Variants in SPINK5 observed in about 807,000 individuals in gnomAD.
SPINK5 encodes serine peptidase inhibitor Kazal type 5.
A neutral mutation model predicts 151.8 loss-of-function variants in SPINK5; 125 were observed. The ratio of observed to expected loss-of-function variants is 0.82; its 90% CI spans 0.71 to 0.96. SPINK5 has a LOEUF of 0.96. SPINK5 is among the 40% of genes least tolerant of loss of function. The pLI is 0.00. For missense variants in SPINK5, 1,194 were observed against 1,291.9 expected (o/e 0.92, Z 1.16); for synonymous variants, 374 against 395.3 (o/e 0.95, Z 0.64).
intron 4 of SPINK5, among the ~76,000 whole-genome samples, chr5:148,072,825 G>T (rs1191556104): frequency 6.7e-6 from 1 of 149,762 alleles, no homozygotes; most frequent in East Asian, 2.0e-4. Flanking sequence ...TTGCAGACAG[G>T]GACTCAGGCT....
chr5:148,121,764 C>G (rs1006073702), intron 26 of SPINK5, among the ~76,000 whole-genome samples: 13 of 151,452 alleles, frequency 8.6e-5, no homozygotes, highest in African/African-American at 2.7e-4. Flanking sequence ...TCAAAACCAG[C>G]CTGGGCAACA....
intron 25 of SPINK5, 74 bp from the exon 26 acceptor site, chr5:148,120,221 T>C: frequency 6.2e-7 from 1 of 1,610,692 alleles, no homozygotes; most frequent in Non-Finnish European, 8.5e-7. Context: ...ATGACAATTG[T>C]TTTAGAAGCA....
chr5:148,081,280 GA>G (rs1753012009), intron 4 of SPINK5, among the ~76,000 whole-genome samples: 1 of 151,568 alleles, frequency 6.6e-6, no homozygotes, highest in Non-Finnish European at 1.5e-5. Context: ...TCAGTGAAGT[GA>G]AAATACAGGT....
At chr5:148,118,585 G>A in intron 23 of SPINK5, 21 bp downstream of exon 23, 2 of 1,613,478 alleles carry the variant, frequency 1.2e-6, no homozygotes, top group Non-Finnish European at 1.7e-6. Context: ...CTCTCAACAG[G>A]CATGTCTAAA....
intron 31 of SPINK5, 101 bp downstream of exon 31, chr5:148,131,490 A>G (rs1414322414): frequency 3.7e-5 from 56 of 1,521,718 alleles, no homozygotes; most frequent in African/African-American, 5.5e-5. Flanking sequence ...AATGTGTTGC[A>G]AGTAATTTAT....
intron 16 of SPINK5, 121 bp downstream of exon 16, chr5:148,105,121 A>G (rs1753748423): frequency 8.8e-7 from 1 of 1,138,808 alleles, no homozygotes; most frequent in Admixed American, 2.1e-5. Context: ...TAAATGAAGA[A>G]CATTTTTAAC....
chr5:148,086,285 G>A (rs1753151295), intron 4 of SPINK5, 120 bp from the exon 5 acceptor site: 1 of 1,229,888 alleles, frequency 8.1e-7, no homozygotes. Flanking sequence ...TAGCCTTCAT[G>A]ATATGTTTTT....
chr5:148,086,486 G>A lies in SPINK5; in HGVS notation c.364G>A (p.Asp122Asn). ...PDYYEAVCGT[D>N]GKTYDNRCAL... Reference sequence around the variant, plus strand: ...TTATTATGAAGCTGTTTGTGGCACAGATGGGAAAACATATGACAACAGATG... The same window carrying A: ...TTATTATGAAGCTGTTTGTGGCACAAATGGGAAAACATATGACAACAGATG... The change falls in exon 5 of 33, where the codon GAT (aspartate) becomes AAT (asparagine). Residue 122 changes from aspartate to asparagine, a missense_variant. Asp to Asn is a conservative substitution (Grantham distance 23). Coordinates refer to ENST00000256084, the MANE Select transcript of SPINK5 (RefSeq NM_006846.4). 1 of 1,612,006 alleles carries A rather than the reference G, an allele frequency of 6.2e-7. No individual in the cohort carries two copies.
intron 2 of SPINK5, among the ~76,000 whole-genome samples, chr5:148,068,576 A>G (rs1561671559): frequency 7.3e-6 from 1 of 137,828 alleles, no homozygotes; most frequent in African/African-American, 2.9e-5. Context: ...AAAAAAAAAA[A>G]AAAAAGAAAG....
At position 148,111,883 on chromosome 5, in the gene SPINK5, G is replaced by A. The variant is rs755534180; in HGVS notation, c.1808G>A (p.Cys603Tyr). The change falls in exon 19 of 33, where the codon TGT becomes TAT. Residue 603 changes from cysteine (C) to tyrosine (Y), a missense_variant. By Grantham distance (194) the Cys-to-Tyr change is radical. Coordinates refer to ENST00000256084, the MANE Select transcript of SPINK5 (RefSeq NM_006846.4). Reference sequence around the variant, plus strand: ...ATCCACGGCAACACCTGCTCCATGTGTGAAGCCTTCTTGTGAGTGGGCGGC... The same window carrying A: ...ATCCACGGCAACACCTGCTCCATGTATGAAGCCTTCTTGTGAGTGGGCGGC... Reference protein sequence around the residue: ...GKIHGNTCSMCEAFFQQEAKE... With the variant: ...GKIHGNTCSMYEAFFQQEAKE... 1.9e-6 allele frequency: 3 copies of A among 1,614,008 alleles called. No individual in the cohort carries two copies. Among genetic ancestry groups the A allele is most frequent in the East Asian group, 4.5e-5 (2 of 44,876 alleles).
rs1753251704 is a variant in SPINK5, at chr5:148,089,527, G to A, written c.508G>A (p.Asp170Asn). The change falls in exon 7 of 33, where the codon GAT (aspartate) becomes AAT (asparagine). Residue 170 changes from aspartate (D) to asparagine (N), a missense_variant. Physicochemically the swap from Asp to Asn is conservative, Grantham distance 23. Transcript: ENST00000256084. Reference sequence around the variant, plus strand: ...CAGTGCTTTTCGGCCCTTTGTTAGAGATGGAAGACTTGGATGCACAAGGGA... The same window carrying A: ...CAGTGCTTTTCGGCCCTTTGTTAGAAATGGAAGACTTGGATGCACAAGGGA... ...VCSAFRPFVR[D>N]GRLGCTREND... 1 of 1,612,000 alleles carries A rather than the reference G, an allele frequency of 6.2e-7. No homozygotes were observed. Among genetic ancestry groups the A allele is most frequent in the Non-Finnish European group, 8.5e-7 (1 of 1,178,700 alleles).
chr5:148,125,901 T>A, intron 29 of SPINK5, 51 bp downstream of exon 29: 1 of 1,613,240 alleles, frequency 6.2e-7, no homozygotes, highest in Non-Finnish European at 8.5e-7. Flanking sequence ...AACTGCATTT[T>A]TAGAAACTGC....
At chr5:148,100,661 C>A (rs1217042140) in intron 13 of SPINK5, 80 bp downstream of exon 13, 11 of 1,480,916 alleles carry the variant, frequency 7.4e-6, no homozygotes, top group African/African-American at 1.4e-5. Flanking sequence ...TATGGGAGGG[C>A]CACTTCAACA....
At position 148,099,184 on chromosome 5, in the gene SPINK5, T is replaced by C. The variant is rs115029022; in HGVS notation, c.1011-50T>C. On this transcript the variant is annotated intron_variant, in intron 11 of 32. Coordinates refer to ENST00000256084, the MANE Select transcript of SPINK5 (RefSeq NM_006846.4). ...ACAGTGCAAGGATGTGGAGAAATCA[T>C]GGCATGTGTTTGTTCCTAATGGATC... is the stretch of plus-strand genomic sequence containing the variant. 626 of 1,518,532 alleles carry C rather than the reference T, an allele frequency of 4.1e-4. 1 individual carries two copies. The African/African-American group carries it at 8.0e-3, about 19-fold the overall frequency. 94.1% of individuals were successfully genotyped at this position (1,518,532 alleles called of 1,614,324 possible).
At chr5:148,101,755 T>G in intron 14 of SPINK5, 26 bp from the exon 15 acceptor site, 5 of 1,613,586 alleles carry the variant, frequency 3.1e-6, no homozygotes, top group Non-Finnish European at 4.2e-6. Context: ...GTTCAACACT[T>G]TCAACTTCCT....
chr5:148,108,591 T>C (rs1391025152), intron 17 of SPINK5, among the ~76,000 whole-genome samples, 162 bp from the exon 18 acceptor site: 2 of 152,184 alleles, frequency 1.3e-5, no homozygotes, highest in Admixed American at 1.3e-4. Context: ...GCTAAGTTTA[T>C]CTGTACTATT....
intron 17 of SPINK5, among the ~76,000 whole-genome samples, 187 bp from the exon 18 acceptor site, chr5:148,108,566 G>T (rs1000665460): frequency 1.3e-5 from 2 of 152,146 alleles, no homozygotes; most frequent in African/African-American, 4.8e-5. Flanking sequence ...CTTCTTTAGA[G>T]GGGGAATGTA....
At chr5:148,089,466 G>A (rs1561682182) in intron 6 of SPINK5, 28 bp from the exon 7 acceptor site, 1 of 1,602,798 alleles carries the variant, frequency 6.2e-7, no homozygotes, top group Non-Finnish European at 8.5e-7. Flanking sequence ...ATCTTGGTAA[G>A]TTTCAAGTTC....
chr5:148,111,627 A>G (rs1753930223), intron 18 of SPINK5, 141 bp from the exon 19 acceptor site: 1 of 1,218,136 alleles, frequency 8.2e-7, no homozygotes, highest in Non-Finnish European at 1.2e-6. Flanking sequence ...TTCTCTGAAA[A>G]GCATTTTGGT....
Sources: allele counts gnomAD v4.1 joint callset (sites outside exome capture counted in the v4.1 genomes callset), GRCh38; gene constraint gnomAD v4.1.1; transcripts MANE v1.5; gene names NCBI Gene and HGNC (gene_info 2026-07-23, HGNC 2026-07-21).